Variants in ANKS1B observed in about 807,000 individuals in gnomAD.
The protein encoded by ANKS1B is ankyrin repeat and sterile alpha motif domain containing 1B, also known as ankyrin repeat and sterile alpha motif domain-containing protein 1B.
Under a neutral mutation model 148.3 loss-of-function variants are expected in ANKS1B, and 36 were observed. The observed-to-expected ratio is 0.24, with a 90% CI of 0.19 to 0.32. The LOEUF is 0.32. ANKS1B is among the 10% of genes least tolerant of loss of function. The pLI is 1.00. For missense variants in ANKS1B, 1,157 were observed against 1,542.6 expected (o/e 0.75, Z 4.19); for synonymous variants, 542 against 560.8 (o/e 0.97, Z 0.47).
chr12:99,160,976 C>T (rs776219807), intron 14 of ANKS1B, among the ~76,000 whole-genome samples: 1 of 152,124 alleles, frequency 6.6e-6, no homozygotes, highest in Non-Finnish European at 1.5e-5. Flanking sequence ...GAATGCGATG[C>T]CTCTGGCTTT....
intron 1 of ANKS1B, among the ~76,000 whole-genome samples, chr12:99,929,801 T>C (rs939273679): frequency 2.6e-5 from 4 of 152,090 alleles, no homozygotes; most frequent in Admixed American, 6.5e-5. Context: ...AAAGATCAGA[T>C]AGTTGCAGAT....
intron 1 of ANKS1B, among the ~76,000 whole-genome samples, chr12:99,941,143 T>C (rs1312749994): frequency 6.6e-6 from 1 of 152,076 alleles, no homozygotes; most frequent in Admixed American, 6.6e-5. Context: ...GGCAGGAATA[T>C]AGAGGACAAA....
chr12:99,768,268 A>G (rs7486072), intron 8 of ANKS1B, among the ~76,000 whole-genome samples: 26,591 of 152,190 alleles, frequency 0.17, 2,838 homozygotes, highest in East Asian at 0.49. Flanking sequence ...TTAACCAGTA[A>G]TATAAATAAC....
rs958776606 is a variant in ANKS1B, at chr12:99,229,080, T to TA, written c.2419+15261dup. Among the ~76,000 whole-genome samples the TA allele has an allele frequency of 3.9e-4, 60 of 151,976 alleles. 1 individual carries two copies. Among genetic ancestry groups the TA allele is most frequent in the African/African-American group, 1.3e-3 (55 of 41,544 alleles). On this transcript the variant is annotated intron_variant, in intron 14 of 26. Transcript: ENST00000683438. ...ATTTAGAAAAAGAGAGAGCAGAAAA[T>TA]AAAAACCACTGATAATCTTACTCAG...
chr12:99,456,819 T>C lies in ANKS1B; in HGVS notation c.1439-13010A>G, dbSNP rs117977091. Among the ~76,000 whole-genome samples, 1,344 of 152,134 alleles carry C rather than the reference T, an allele frequency of 8.8e-3. 12 individuals are homozygous for C. Among genetic ancestry groups the C allele is most frequent in the Non-Finnish European group, 0.014 (975 of 67,976 alleles). The stretch of plus-strand genomic sequence containing the variant: ...ACTAATTGATGTTCCCGAGGGAGAA[T>C]AGAAATCTAAAAGTTTGGAAAACAT... On this transcript the variant is annotated intron_variant, in intron 10 of 26. Coordinates refer to ENST00000683438, the MANE Select transcript of ANKS1B (RefSeq NM_001352186.2).
chr12:99,337,212 T>C (rs1329457621), intron 12 of ANKS1B, among the ~76,000 whole-genome samples: 1 of 152,002 alleles, frequency 6.6e-6, no homozygotes, highest in African/African-American at 2.4e-5. Context: ...TCTCTGATTG[T>C]ACATTTTCAA....
intron 9 of ANKS1B, among the ~76,000 whole-genome samples, chr12:99,637,052 T>A (rs1180877253): frequency 6.6e-6 from 1 of 152,212 alleles, no homozygotes; most frequent in Admixed American, 6.5e-5. Flanking sequence ...ACACCTGTAA[T>A]CCTTGCACTT....
In ANKS1B at chr12:99,114,298, G is replaced by A. The variant is rs1163524435; in HGVS notation, c.2527-29275C>T. On this transcript the variant is annotated intron_variant, in intron 15 of 26. Transcript: ENST00000683438. Reference sequence around the variant, plus strand: ...ACAACTGTGACTTCAAAATGCTAACGATTGACATTTGTTCAGCTCGTTAGC... The same window carrying A: ...ACAACTGTGACTTCAAAATGCTAACAATTGACATTTGTTCAGCTCGTTAGC... 2.6e-5 allele frequency among the ~76,000 whole-genome samples: 4 copies of A among 152,268 alleles called. No individual in the cohort carries two copies. The East Asian group carries it at 5.8e-4, about 22-fold the overall frequency.
intron 17 of ANKS1B, among the ~76,000 whole-genome samples, chr12:99,004,627 G>A (rs1338126930): frequency 1.3e-5 from 2 of 152,028 alleles, no homozygotes; most frequent in Non-Finnish European, 2.9e-5. Flanking sequence ...TGGGGTGCGG[G>A]GAAGGAGGCA....
At chr12:99,580,672 T>C (rs912229429) in intron 9 of ANKS1B, among the ~76,000 whole-genome samples, 50 of 152,312 alleles carry the variant, frequency 3.3e-4, no homozygotes, top group African/African-American at 1.1e-3. Context: ...ATAAGTTCTA[T>C]TGTTCAATAG....
chr12:99,005,775 A>AACAC (rs140449575), intron 17 of ANKS1B, among the ~76,000 whole-genome samples: 4 of 151,232 alleles, frequency 2.6e-5, no homozygotes, highest in African/African-American at 7.3e-5. Context: ...ACACAGATGG[A>AACAC]ACACACACAC....
intron 22 of ANKS1B, among the ~76,000 whole-genome samples, chr12:98,791,837 G>T (rs1465039532): frequency 6.6e-6 from 1 of 152,230 alleles, no homozygotes; most frequent in Non-Finnish European, 1.5e-5. Context: ...GAAGGAATTT[G>T]TATGAGGACA....
chr12:99,923,373 G>A (rs2094410170), intron 1 of ANKS1B, among the ~76,000 whole-genome samples: 1 of 152,200 alleles, frequency 6.6e-6, no homozygotes, highest in African/African-American at 2.4e-5. Context: ...AGTTTAACAA[G>A]TCTAAATCCA....
chr12:99,709,755 G>A (rs897371830), intron 8 of ANKS1B, among the ~76,000 whole-genome samples: 38 of 152,074 alleles, frequency 2.5e-4, no homozygotes, highest in African/African-American at 8.2e-4. Context: ...ATCACACACT[G>A]CACCAGCTGA....
At chr12:99,487,622 G>A (rs909199837) in intron 10 of ANKS1B, among the ~76,000 whole-genome samples, 1 of 150,026 alleles carries the variant, frequency 6.7e-6, no homozygotes, top group African/African-American at 2.4e-5. Context: ...ATATGGGGGG[G>A]GGACATTTTT....
At chr12:99,825,264 A>C (rs773922619) in intron 2 of ANKS1B, 45 bp downstream of exon 2, 1 of 1,493,170 alleles carries the variant, frequency 6.7e-7, no homozygotes, top group South Asian at 1.2e-5. Context: ...ACTTCATCAC[A>C]TGTAACTAAA....
chr12:99,686,829 T>G (rs2098652152), intron 8 of ANKS1B, among the ~76,000 whole-genome samples: 1 of 152,154 alleles, frequency 6.6e-6, no homozygotes, highest in Non-Finnish European at 1.5e-5. Context: ...ACAATACATT[T>G]TATTATTTTT....
At chr12:99,341,291 C>T (rs1387075543) in intron 12 of ANKS1B, 1 of 152,106 alleles carries the variant, frequency 6.6e-6, no homozygotes, top group Admixed American at 6.6e-5. Context: ...TTAATTAGCT[C>T]ATGGAATCTT....
At chr12:99,129,221 C>T (rs1244717771) in intron 15 of ANKS1B, among the ~76,000 whole-genome samples, 1 of 152,188 alleles carries the variant, frequency 6.6e-6, no homozygotes, top group East Asian at 1.9e-4. Context: ...GTGTTCCCTT[C>T]CCACAAGGCA....
Sources: allele counts gnomAD v4.1 joint callset (sites outside exome capture counted in the v4.1 genomes callset), GRCh38; gene constraint gnomAD v4.1.1; transcripts MANE v1.5; gene names NCBI Gene and HGNC (gene_info 2026-07-23, HGNC 2026-07-21).